The following DAB1 variants were observed in gnomAD, a reference collection of about 807,000 sequenced individuals.
DAB1 encodes DAB adaptor protein 1, also known as disabled homolog 1.
DAB1 carries 15 observed loss-of-function variants against 64.6 expected under a neutral mutation model. That is an observed-to-expected ratio of 0.23 (90% CI 0.16 to 0.36). The LOEUF (loss-of-function observed/expected upper bound fraction) is 0.36. DAB1 is among the 10% of genes least tolerant of loss of function. The pLI, the probability that DAB1 is intolerant of heterozygous loss-of-function variation, is 1.00. For missense variants in DAB1, 596 were observed against 706.7 expected (o/e 0.84, Z 1.78); for synonymous variants, 235 against 251.9 (o/e 0.93, Z 0.64).
At chr1:57,546,323 G>T (rs1269777890) in intron 7 of DAB1, among the ~76,000 whole-genome samples, 1 of 152,116 alleles carries the variant, frequency 6.6e-6, no homozygotes, top group Non-Finnish European at 1.5e-5. Context: ...TCTAAAAGGA[G>T]AACATGTCTT....
intron 4 of DAB1, among the ~76,000 whole-genome samples, chr1:58,265,773 A>G (rs998033700): frequency 2.0e-5 from 3 of 152,240 alleles, no homozygotes; most frequent in Non-Finnish European, 2.9e-5. Flanking sequence ...ATGAATTTCC[A>G]CATTGCATTT....
intron 5 of DAB1, among the ~76,000 whole-genome samples, chr1:58,027,394 T>G (rs907683238): frequency 1.5e-4 from 23 of 152,162 alleles, no homozygotes; most frequent in Admixed American, 1.5e-3. Context: ...TGAGGTTAAG[T>G]TCTTCATACT....
At chr1:57,608,388 T>TA (rs998855746) in intron 7 of DAB1, among the ~76,000 whole-genome samples, 1 of 151,112 alleles carries the variant, frequency 6.6e-6, no homozygotes, top group Non-Finnish European at 1.5e-5. Context: ...GTGAAGATAT[T>TA]AAAAAAAGAG....
At chr1:57,516,012 A>G (rs1644460098) in intron 7 of DAB1, among the ~76,000 whole-genome samples, 1 of 152,256 alleles carries the variant, frequency 6.6e-6, no homozygotes, top group African/African-American at 2.4e-5. Flanking sequence ...AGAGTTGAAT[A>G]CGTAAGTCAT....
At chr1:58,219,025 C>CTCTCTCTCTCTGTGTGTGTG (rs376130413) in intron 4 of DAB1, among the ~76,000 whole-genome samples, 1 of 129,474 alleles carries the variant, frequency 7.7e-6, no homozygotes, top group African/African-American at 3.1e-5. Context: ...CTCTCTCTCT[C>CTCTCTCTCTCTGTGTGTGTG]TGTGTGTGTG....
chr1:57,521,092 A>C (rs1158590753), intron 7 of DAB1, among the ~76,000 whole-genome samples: 1 of 152,152 alleles, frequency 6.6e-6, no homozygotes, highest in Non-Finnish European at 1.5e-5. Flanking sequence ...TTCAAGAATG[A>C]ACTAGAACCA....
intron 3 of DAB1, among the ~76,000 whole-genome samples, chr1:58,448,524 G>A (rs1023686240): frequency 6.6e-6 from 1 of 152,148 alleles, no homozygotes; most frequent in African/African-American, 2.4e-5. Context: ...GTGAAGACTG[G>A]ACCAGATCCA....
chr1:57,010,069 G>C (rs916769808), intron 14 of DAB1, among the ~76,000 whole-genome samples: 2 of 152,112 alleles, frequency 1.3e-5, no homozygotes, highest in Non-Finnish European at 2.9e-5. Context: ...CTTACATCTC[G>C]ATCAATCTTA....
At chr1:57,138,347 G>T (rs1658304323) in intron 3 of DAB1, among the ~76,000 whole-genome samples, 1 of 152,148 alleles carries the variant, frequency 6.6e-6, no homozygotes, top group South Asian at 2.1e-4. Flanking sequence ...ATTGGTCAAA[G>T]AGCTGAGACT....
intron 4 of DAB1, among the ~76,000 whole-genome samples, chr1:58,336,475 T>C (rs751022865): frequency 5.9e-5 from 9 of 152,364 alleles, no homozygotes; most frequent in Admixed American, 2.0e-4. Context: ...TGAACACTTA[T>C]GTTTCAAGAG....
At chr1:57,657,491 G>C (rs1476421552) in intron 6 of DAB1, among the ~76,000 whole-genome samples, 2 of 152,134 alleles carry the variant, frequency 1.3e-5, no homozygotes, top group Non-Finnish European at 2.9e-5. Context: ...TAATGTTCCA[G>C]CCAGTTCCCA....
intron 7 of DAB1, among the ~76,000 whole-genome samples, chr1:57,638,707 T>C (rs1024735344): frequency 2.0e-5 from 3 of 152,144 alleles, no homozygotes; most frequent in Non-Finnish European, 4.4e-5. Flanking sequence ...GGGAAGGGGC[T>C]TGAAGAATAC....
chr1:57,473,494 A>G (rs1022045338), intron 7 of DAB1, among the ~76,000 whole-genome samples: 1 of 152,202 alleles, frequency 6.6e-6, no homozygotes, highest in Non-Finnish European at 1.5e-5. Context: ...GCCTCAGTAA[A>G]GTCACCAAAA....
intron 7 of DAB1, among the ~76,000 whole-genome samples, chr1:57,526,268 T>A (rs1644592553): frequency 6.6e-6 from 1 of 152,096 alleles, no homozygotes; most frequent in Admixed American, 6.6e-5. Flanking sequence ...AGAAAGATAA[T>A]CACTCTGCCC....
intron 6 of DAB1, among the ~76,000 whole-genome samples, chr1:57,816,195 G>T (rs1186332304): frequency 6.6e-6 from 1 of 152,224 alleles, no homozygotes; most frequent in Non-Finnish European, 1.5e-5. Flanking sequence ...CACTACAGTA[G>T]TCTGTTCATT....
chr1:58,499,922 T>C (rs974693486), intron 3 of DAB1, among the ~76,000 whole-genome samples: 1 of 151,912 alleles, frequency 6.6e-6, no homozygotes. Context: ...AAGTAAAACA[T>C]CAACTACTTA....
intron 1 of DAB1, among the ~76,000 whole-genome samples, chr1:57,353,956 T>C (rs1678842337): frequency 6.6e-6 from 1 of 152,188 alleles, no homozygotes; most frequent in South Asian, 2.1e-4. Flanking sequence ...TAGTAATTGT[T>C]TTTACTGCAG....
At chr1:57,359,965 T>C (rs1029643229) in intron 1 of DAB1, among the ~76,000 whole-genome samples, 1 of 151,886 alleles carries the variant, frequency 6.6e-6, no homozygotes, top group African/African-American at 2.4e-5. Flanking sequence ...TGGGGCAATA[T>C]TGGTCAAATT....
chr1:58,438,987 G>C (rs936519055), intron 3 of DAB1, among the ~76,000 whole-genome samples: 1 of 152,118 alleles, frequency 6.6e-6, no homozygotes, highest in Non-Finnish European at 1.5e-5. Flanking sequence ...AGGGTGGCAT[G>C]AGGTGGGACT....
Sources: gnomAD v4.1 joint callset for allele counts (sites outside exome capture counted in the v4.1 genomes callset) on GRCh38, gnomAD v4.1.1 for gene constraint, MANE v1.5 for transcripts, NCBI Gene and HGNC (gene_info 2026-07-23, HGNC 2026-07-21) for gene names.